The following TJP2 variants were observed in gnomAD, a reference collection of about 807,000 sequenced individuals.
TJP2 encodes the protein Friedreich ataxia region gene X104 (tight junction protein ZO-2).
TJP2 carries 91 observed loss-of-function variants against 133.1 expected under a neutral mutation model. That is an observed-to-expected ratio of 0.68 (90% confidence interval 0.58 to 0.81). TJP2 has a LOEUF of 0.81. TJP2 is among the 40% of genes least tolerant of loss of function. The pLI, the probability that TJP2 is intolerant of heterozygous loss-of-function variation, is 0.00. For synonymous variants in TJP2, 592 were observed against 583.4 expected, an observed-to-expected ratio of 1.01 and a Z score of -0.21; for missense variants, 1,541 against 1,565.6, an observed-to-expected ratio of 0.98 and a Z score of 0.26.
At chr9:69,176,232 G>A (rs1434323958) in intron 1 of TJP2, among the ~76,000 whole-genome samples, 1 of 152,206 alleles carries the variant, frequency 6.6e-6, no homozygotes, top group Non-Finnish European at 1.5e-5. Context: ...AGAAAATGGG[G>A]CCAGTAATGC....
At chr9:69,174,186 C>A (rs1256925642), upstream of TJP2, 13 of 1,369,328 alleles carry the variant, frequency 9.5e-6, no homozygotes, top group Admixed American at 3.4e-5. Context: ...ACGCTCGGGT[C>A]GGGGGCGGGC....
chr9:69,139,816 C>T (rs1461089274), intron 1 of TJP2, among the ~76,000 whole-genome samples: 1 of 152,194 alleles, frequency 6.6e-6, no homozygotes, highest in Non-Finnish European at 1.5e-5. Flanking sequence ...CTAGGTTTAC[C>T]AAGAGCAATA....
At chr9:69,160,882 G>A (rs1824031864) in intron 2 of TJP2, among the ~76,000 whole-genome samples, 1 of 152,142 alleles carries the variant, frequency 6.6e-6, no homozygotes, top group Non-Finnish European at 1.5e-5. Flanking sequence ...AACAGGATGG[G>A]AGAGACTTGC....
In TJP2 at chr9:69,248,177, C is replaced by T. The variant is rs1464396054; in HGVS notation, c.2833C>T (p.Leu945=). 6.2e-7 allele frequency: 1 copy of T among 1,612,962 alleles called. No homozygotes were observed. Among genetic ancestry groups the T allele is most frequent in the Non-Finnish European group, 8.5e-7 (1 of 1,179,502 alleles). The change falls in exon 19 of 23, where the codon CTG becomes TTG. Residue 945 remains leucine, a synonymous_variant. Coordinates refer to ENST00000377245, the MANE Select transcript of TJP2 (RefSeq NM_004817.4). The stretch of plus-strand genomic sequence containing the variant: ...GCTGGATGAGCCAGCCGAGGAGCCG[C>T]TGGTGTCGTCCATCACCCGCTCCTC... ...NELDEPAEEP[L]VSSITRSSEP...
At chr9:69,196,424 A>G (rs1826563114) in intron 1 of TJP2, among the ~76,000 whole-genome samples, 1 of 152,226 alleles carries the variant, frequency 6.6e-6, no homozygotes, top group Middle Eastern at 3.4e-3. Flanking sequence ...CTCTACATGC[A>G]CTGTCTGATT....
At position 69,236,130 on chromosome 9, in the gene TJP2, GGGAGGTCTTCCGAGT is replaced by G. The variant is rs1554665383; in HGVS notation, c.1886_1900del (p.Glu629_Val633del). On this transcript the variant is annotated inframe_deletion, in exon 13 of 23. Coordinates refer to ENST00000377245, the MANE Select transcript of TJP2 (RefSeq NM_004817.4). ...CCACAGAGCCTGGCCTTCACCAGAG[GGGAGGTCTTCCGAGT>G]GGTAGACACACTGTATGACGGCAAG... 5 of 1,614,054 alleles carry G rather than the reference GGGAGGTCTTCCGAGT, an allele frequency of 3.1e-6. No individual in the cohort carries two copies. The highest frequency in any genetic ancestry group is 4.2e-6 in the Non-Finnish European group (5 of 1,180,028).
At chr9:69,213,208 C>T (rs1398923280) in intron 2 of TJP2, among the ~76,000 whole-genome samples, 1 of 151,914 alleles carries the variant, frequency 6.6e-6, no homozygotes, top group Non-Finnish European at 1.5e-5. Context: ...GGATTACAGG[C>T]GCCTATCACC....
In TJP2 at chr9:69,221,160, G is replaced by T. The variant is rs1327654964; in HGVS notation, c.616G>T (p.Asp206Tyr). Residue 206 changes from aspartate to tyrosine, a missense_variant, in exon 5 of 23, where the codon GAC (aspartate) becomes TAC (tyrosine). Transcript: ENST00000377245. ...TGGCCGGAGCCTGGAGCGGGGCCTG[G>T]ACCAAGACCATGCGCGCACCCGAGA... ...SRGRSLERGL[D>Y]QDHARTRDRS... 3 of 1,597,224 alleles carry T rather than the reference G, an allele frequency of 1.9e-6. No individual in the cohort carries two copies. Among genetic ancestry groups the T allele is most frequent in the South Asian group, 2.2e-5 (2 of 89,090 alleles).
rs1822264628 is a variant in TJP2 at position 69,124,822 on chromosome 9, A to G, written c.-131+3097A>G. 2.6e-5 allele frequency among the ~76,000 whole-genome samples: 2 copies of G among 77,664 alleles called. 1 individual carries two copies. 51.0% of individuals were successfully genotyped at this position (77,664 alleles called of 152,430 possible). A position where few individuals can be genotyped will look rare whatever the true frequency, so the allele number is the denominator to read the frequency against. On this transcript the variant is annotated intron_variant, in intron 1 of 5. Coordinates refer to the TJP2 transcript ENST00000423935. Reference sequence around the variant, plus strand: ...TAAATGGATGCATTTTGCAATCTACATGAGAAAACATTTCTTAGAAAATGT... The same window carrying G: ...TAAATGGATGCATTTTGCAATCTACGTGAGAAAACATTTCTTAGAAAATGT...
intron 1 of TJP2, among the ~76,000 whole-genome samples, chr9:69,178,495 T>G (rs1206874293): frequency 6.6e-6 from 1 of 152,204 alleles, no homozygotes; most frequent in Admixed American, 6.5e-5. Context: ...TGCATAATAC[T>G]GCTTAAAATA....
intron 1 of TJP2, among the ~76,000 whole-genome samples, chr9:69,138,762 A>G (rs936096467): frequency 6.6e-6 from 1 of 151,728 alleles, no homozygotes; most frequent in Non-Finnish European, 1.5e-5. Flanking sequence ...TACTCAAAAT[A>G]CAAAATTAGC....
intron 1 of TJP2, among the ~76,000 whole-genome samples, chr9:69,184,044 A>G (rs1825689436): frequency 6.6e-6 from 1 of 152,028 alleles, no homozygotes; most frequent in South Asian, 2.1e-4. Context: ...TTGATTCTTT[A>G]CCTCTGAAGT....
Position 69,249,412 on chromosome 9 carries a change from T to C in TJP2, c.2918T>C (p.Met973Thr), listed in dbSNP as rs1294927261. 6.2e-7 allele frequency: 1 copy of C among 1,611,942 alleles called. No individual in the cohort carries two copies. The highest frequency in any genetic ancestry group is 1.7e-5 in the Admixed American group (1 of 59,786). ...RKPSPEPRAQ[M>T]RRAASSDQLR... The stretch of plus-strand genomic sequence containing the variant: ...CCCAGCCCAGAGCCACGAGCTCAGA[T>C]GAGGAGGGCTGCTAGCAGCGATCAA... Residue 973 changes from methionine (M) to threonine (T), a missense_variant, in exon 20 of 23, where the codon ATG (methionine) becomes ACG (threonine). By Grantham distance (81) the Met-to-Thr change is moderately conservative. Coordinates refer to ENST00000377245, the MANE Select transcript of TJP2 (RefSeq NM_004817.4).
chr9:69,168,338 CTA>C (rs1564396584), intron 2 of TJP2, among the ~76,000 whole-genome samples: 1 of 152,034 alleles, frequency 6.6e-6, no homozygotes, highest in African/African-American at 2.4e-5. Flanking sequence ...ATTCACAGGT[CTA>C]TTATTTCTTG....
chr9:69,136,002 G>GGA (rs1822715075), intron 1 of TJP2, among the ~76,000 whole-genome samples: 2 of 152,238 alleles, frequency 1.3e-5, no homozygotes, highest in African/African-American at 4.8e-5. Flanking sequence ...TCCTGAGTGA[G>GGA]GAGAGATATT....
chr9:69,132,836 A>G lies in TJP2; in HGVS notation c.-131+11111A>G, dbSNP rs546296979. Among the ~76,000 whole-genome samples, 60 of 152,288 alleles carry G rather than the reference A, an allele frequency of 3.9e-4. 1 individual carries two copies. Among genetic ancestry groups the G allele is most frequent in the African/African-American group, 1.4e-3 (60 of 41,548 alleles). On this transcript the variant is annotated intron_variant, in intron 1 of 5. Coordinates refer to the TJP2 transcript ENST00000423935. The stretch of plus-strand genomic sequence containing the variant: ...CTTAGTGGGAGTTCAGAAGGCATGA[A>G]TTTTATAATCAGACCAACCTGGGTA...
intron 1 of TJP2, among the ~76,000 whole-genome samples, chr9:69,128,749 A>G (rs1036706669): frequency 4.6e-5 from 7 of 152,034 alleles, no homozygotes; most frequent in Admixed American, 4.6e-4. Flanking sequence ...GATGGTCTCA[A>G]TCTCCTGACC....
chr9:69,217,521 A>G (rs1027964835), intron 3 of TJP2, among the ~76,000 whole-genome samples: 3 of 152,136 alleles, frequency 2.0e-5, no homozygotes, highest in Non-Finnish European at 4.4e-5. Context: ...CAGCCTGGGC[A>G]ACCTAGTGAG....
intron 4 of TJP2, among the ~76,000 whole-genome samples, chr9:69,220,405 C>A (rs1427500603): frequency 1.3e-5 from 2 of 152,168 alleles, no homozygotes. Context: ...TTATTTTCTT[C>A]CAGCTATTTT....
Sources: gnomAD v4.1 joint callset for allele counts (sites outside exome capture counted in the v4.1 genomes callset) on GRCh38, gnomAD v4.1.1 for gene constraint, MANE v1.5 for transcripts, NCBI Gene and HGNC (gene_info 2026-07-23, HGNC 2026-07-21) for gene names.